Variants in SETBP1 observed in about 807,000 individuals in gnomAD.
SETBP1 encodes the protein SET binding protein 1.
In SETBP1, 9 loss-of-function variants were observed where a neutral mutation model predicts 101.0. That is an observed-to-expected ratio of 0.09 (90% CI 0.05 to 0.16). The LOEUF is 0.16. Among genes scored for constraint, SETBP1 ranks in the 10% least tolerant of loss-of-function variants. The pLI is 1.00. For synonymous variants in SETBP1, 818 were observed against 788.5 expected, an observed-to-expected ratio of 1.04 and a Z score of -0.63; for missense variants, 1,858 against 2,033.8, an observed-to-expected ratio of 0.91 and a Z score of 1.66.
At chr18:45,000,609 A>G (rs1257744592) in intron 4 of SETBP1, among the ~76,000 whole-genome samples, 1 of 152,190 alleles carries the variant, frequency 6.6e-6, no homozygotes, top group Non-Finnish European at 1.5e-5. Flanking sequence ...ATACATGTAT[A>G]TTTTAGGCTT....
At chr18:44,738,705 C>T (rs1469973015) in intron 2 of SETBP1, among the ~76,000 whole-genome samples, 4 of 144,556 alleles carry the variant, frequency 2.8e-5, no homozygotes, top group South Asian at 2.2e-4. Context: ...ACCCAGGAGG[C>T]GGAGGTTGCA....
intron 4 of SETBP1, among the ~76,000 whole-genome samples, chr18:44,977,900 G>A (rs1370929851): frequency 1.3e-5 from 2 of 152,298 alleles, no homozygotes; most frequent in East Asian, 3.9e-4. Flanking sequence ...TGGTGAATTA[G>A]TAAAATCTTT....
intron 5 of SETBP1, among the ~76,000 whole-genome samples, chr18:45,044,774 C>G (rs1458022530): frequency 6.6e-6 from 1 of 152,204 alleles, no homozygotes; most frequent in Non-Finnish European, 1.5e-5. Flanking sequence ...TCATTCAACT[C>G]TTTAATGCAG....
chr18:44,829,420 G>A (rs1016246628), intron 2 of SETBP1, among the ~76,000 whole-genome samples: 2 of 152,146 alleles, frequency 1.3e-5, no homozygotes, highest in Non-Finnish European at 2.9e-5. Context: ...TTGTAAGTCA[G>A]CTGAACAACG....
intron 3 of SETBP1, among the ~76,000 whole-genome samples, chr18:44,929,070 C>T (rs908354103): frequency 6.6e-6 from 1 of 152,126 alleles, no homozygotes; most frequent in Admixed American, 6.6e-5. Flanking sequence ...TTAGGTCTAA[C>T]ATTTAAGTCT....
chr18:44,839,406 TTGCTGC>T (rs80013756), intron 2 of SETBP1, among the ~76,000 whole-genome samples: 2 of 151,958 alleles, frequency 1.3e-5, no homozygotes, highest in East Asian at 3.9e-4. Context: ...AACCTGGGTG[TTGCTGC>T]TGCTGCTGCT....
At chr18:44,830,597 G>A (rs1326834592) in intron 2 of SETBP1, among the ~76,000 whole-genome samples, 1 of 152,180 alleles carries the variant, frequency 6.6e-6, no homozygotes, top group East Asian at 1.9e-4. Flanking sequence ...TTATTTGATT[G>A]TGCAGTGCAA....
intron 2 of SETBP1, among the ~76,000 whole-genome samples, chr18:44,832,413 T>A (rs2072393345): frequency 6.6e-6 from 1 of 152,200 alleles, no homozygotes. Context: ...CAGGAAATGC[T>A]GATGCCCCTG....
chr18:44,814,730 G>A (rs922070888), intron 2 of SETBP1, among the ~76,000 whole-genome samples: 3 of 152,246 alleles, frequency 2.0e-5, no homozygotes, highest in Admixed American at 1.3e-4. Flanking sequence ...AACCTCTGAT[G>A]TCGGGCAGTG....
intron 4 of SETBP1, among the ~76,000 whole-genome samples, chr18:45,017,332 A>G (rs2072968888): frequency 6.6e-6 from 1 of 152,216 alleles, no homozygotes; most frequent in Non-Finnish European, 1.5e-5. Context: ...AATATGGCCA[A>G]CATAGGGCAA....
intron 3 of SETBP1, among the ~76,000 whole-genome samples, chr18:44,880,477 A>G (rs1472203318): frequency 3.3e-5 from 5 of 152,172 alleles, no homozygotes; most frequent in Admixed American, 3.3e-4. Context: ...AGTAAAGAAC[A>G]TGGGGTGAGC....
chr18:44,865,312 A>G (rs1211985899), intron 2 of SETBP1, among the ~76,000 whole-genome samples: 1 of 152,206 alleles, frequency 6.6e-6, no homozygotes, highest in Non-Finnish European at 1.5e-5. Context: ...AGGGAAAAGC[A>G]GAGCCACTCT....
At chr18:44,883,947 A>T (rs528229503) in intron 3 of SETBP1, among the ~76,000 whole-genome samples, 20 of 152,318 alleles carry the variant, frequency 1.3e-4, no homozygotes, top group Non-Finnish European at 2.6e-4. Flanking sequence ...TGTACAAAAG[A>T]TTTAGCACTT....
chr18:44,896,107 G>T (rs1055014483), intron 3 of SETBP1, among the ~76,000 whole-genome samples: 1 of 152,074 alleles, frequency 6.6e-6, no homozygotes, highest in Non-Finnish European at 1.5e-5. Flanking sequence ...AACTTTGCCG[G>T]TTGTCAGTTA....
chr18:44,725,228 C>T (rs2069681268), intron 2 of SETBP1, among the ~76,000 whole-genome samples: 1 of 152,164 alleles, frequency 6.6e-6, no homozygotes, highest in South Asian at 2.1e-4. Context: ...TTCTTTTCAA[C>T]ATCTAAATCT....
At chr18:44,681,307 C>T (rs761775027) in intron 1 of SETBP1, among the ~76,000 whole-genome samples, 3 of 152,156 alleles carry the variant, frequency 2.0e-5, no homozygotes, top group Admixed American at 6.5e-5. Flanking sequence ...GTCTTCCAAA[C>T]CATTATCTCT....
At chr18:44,749,062 G>A (rs138778870) in intron 2 of SETBP1, among the ~76,000 whole-genome samples, 3 of 152,260 alleles carry the variant, frequency 2.0e-5, no homozygotes, top group African/African-American at 7.2e-5. Flanking sequence ...TTAAGGGGAG[G>A]CATTAATGCA....
intron 2 of SETBP1, among the ~76,000 whole-genome samples, chr18:44,753,376 T>C: frequency 6.6e-6 from 1 of 152,206 alleles, no homozygotes; most frequent in African/African-American, 2.4e-5. Flanking sequence ...AACATCATTT[T>C]AAGGAGCCTG....
At chr18:44,707,176 C>T (rs912923280) in intron 2 of SETBP1, among the ~76,000 whole-genome samples, 4 of 152,182 alleles carry the variant, frequency 2.6e-5, no homozygotes, top group African/African-American at 9.7e-5. Flanking sequence ...ATGTGTATTC[C>T]AGTCCCTTAG....
Sources: gnomAD v4.1 joint callset for allele counts (sites outside exome capture counted in the v4.1 genomes callset) on GRCh38, gnomAD v4.1.1 for gene constraint, MANE v1.5 for transcripts, NCBI Gene and HGNC (gene_info 2026-07-23, HGNC 2026-07-21) for gene names.